The following FBXO40 variants were observed in gnomAD, a reference collection of about 807,000 sequenced individuals.
FBXO40 encodes the protein F-box protein 40, also known as F-box only protein 40.
Under a neutral mutation model 49.9 loss-of-function variants are expected in FBXO40, and 50 were observed. The observed-to-expected ratio is 1.00, with a 90% CI of 0.80 to 1.27. FBXO40 has a LOEUF of 1.27. Ranked by LOEUF, FBXO40 falls within the 50% of genes most tolerant of loss-of-function variation. The pLI is 0.00. For synonymous variants in FBXO40, 340 were observed against 320.2 expected, an observed-to-expected ratio of 1.06 and a Z score of -0.66; for missense variants, 895 against 870.1, an observed-to-expected ratio of 1.03 and a Z score of -0.36.
At chr3:121,598,926 A>G (rs773495509) in intron 1 of FBXO40, among the ~76,000 whole-genome samples, 14 of 152,102 alleles carry the variant, frequency 9.2e-5, no homozygotes, top group Non-Finnish European at 1.6e-4. Flanking sequence ...AAAACAAGCT[A>G]TGCCTCAGGC....
chr3:121,596,564 T>C (rs2048873961), intron 1 of FBXO40, among the ~76,000 whole-genome samples: 1 of 152,182 alleles, frequency 6.6e-6, no homozygotes, highest in Admixed American at 6.5e-5. Flanking sequence ...CATGTTGAAG[T>C]TTGAGAAGCT....
rs985361368 is a variant in FBXO40, at chr3:121,617,120, A to G, written c.-30-3426A>G. Among the ~76,000 whole-genome samples the G allele has an allele frequency of 2.6e-5, 4 of 152,202 alleles. No individual in the cohort carries two copies. The East Asian group carries it at 7.7e-4, about 29-fold the overall frequency. Reference sequence around the variant, plus strand: ...GCAGAGTAGGGTGACTATAGCTAGCAACAATGTATTGTGTATTTCAAAACA... The same window carrying G: ...GCAGAGTAGGGTGACTATAGCTAGCGACAATGTATTGTGTATTTCAAAACA... On this transcript the variant is annotated intron_variant, in intron 1 of 3. Transcript: ENST00000338040.
At chr3:121,604,411 T>C (rs543102792) in intron 1 of FBXO40, among the ~76,000 whole-genome samples, 21 of 152,332 alleles carry the variant, frequency 1.4e-4, no homozygotes, top group African/African-American at 4.6e-4. Flanking sequence ...CAGTAAACCC[T>C]ACATTCCATG....
At position 121,616,991 on chromosome 3, in the gene FBXO40, G is replaced by A. The variant is rs537441646; in HGVS notation, c.-30-3555G>A. On this transcript the variant is annotated intron_variant, in intron 1 of 3. Coordinates refer to ENST00000338040, the MANE Select transcript of FBXO40 (RefSeq NM_016298.4). ...ACATGGAGGTAGAGAGTGAATGATA[G>A]TTACCAGAGGCTGGGAAGGGTGTAG... is the stretch of plus-strand genomic sequence containing the variant. 2.6e-5 allele frequency among the ~76,000 whole-genome samples: 4 copies of A among 152,302 alleles called. No individual in the cohort carries two copies. In the South Asian group the frequency reaches 8.3e-4, roughly 32 times the overall value.
chr3:121,628,429 T>A lies in FBXO40; in HGVS notation c.*1519T>A, dbSNP rs1336905730. ...CGCCCGCCTTGGCCTTCCAAAGTGC[T>A]GGGTTTACAGGTGTGAGCCACTGCG... On this transcript the variant is annotated 3_prime_UTR_variant, in exon 4 of 4. Transcript: ENST00000338040. The A allele has an allele frequency of 6.6e-6, 1 of 152,300 alleles. No homozygotes were observed. Among genetic ancestry groups the A allele is most frequent in the Non-Finnish European group, 1.5e-5 (1 of 68,116 alleles). The allele number at this position is 152,300 out of a possible 1,614,324, so 9.4% of individuals were successfully genotyped here.
chr3:121,621,525 C>T lies in FBXO40; in HGVS notation c.96C>T (p.Ser32=). Residue 32 remains serine (S), a synonymous_variant, in exon 3 of 4, where the codon TCC becomes TCT. Coordinates refer to ENST00000338040, the MANE Select transcript of FBXO40 (RefSeq NM_016298.4). ...ACATTCCTGTGGAACCCAACACCTC[C>T]TGCCTGGTAATAAGCTGCCACCTGC... The part of the protein sequence containing the change: ...HCHIPVEPNT[S]CLVISCHLLC... The T allele has an allele frequency of 6.2e-7, 1 of 1,614,240 alleles. No individual in the cohort carries two copies.
chr3:121,597,723 A>G (rs4676735), intron 1 of FBXO40, among the ~76,000 whole-genome samples: 66,655 of 144,108 alleles, frequency 0.46, 15,747 homozygotes, highest in East Asian at 0.73. Context: ...GTGCAGTGGC[A>G]TGATCTTGGC....
intron 2 of FBXO40, among the ~76,000 whole-genome samples, chr3:121,620,821 C>T (rs1025517641): frequency 1.3e-5 from 2 of 152,100 alleles, no homozygotes; most frequent in African/African-American, 2.4e-5. Context: ...AGTCAAAAAG[C>T]CAGCAATAAT....
chr3:121,606,095 A>G (rs1486935534), intron 1 of FBXO40, among the ~76,000 whole-genome samples: 1 of 152,262 alleles, frequency 6.6e-6, no homozygotes, highest in Admixed American at 6.5e-5. Flanking sequence ...GACTCATACC[A>G]GTAAAAGTAA....
At chr3:121,610,615 C>A (rs1297162980) in intron 1 of FBXO40, among the ~76,000 whole-genome samples, 1 of 152,092 alleles carries the variant, frequency 6.6e-6, no homozygotes, top group Non-Finnish European at 1.5e-5. Context: ...TATGGTTTCT[C>A]CTCTCTAGGT....
chr3:121,610,332 A>G (rs986048852), intron 1 of FBXO40, among the ~76,000 whole-genome samples: 1 of 152,172 alleles, frequency 6.6e-6, no homozygotes, highest in Non-Finnish European at 1.5e-5. Context: ...AGTCATGTCT[A>G]AAAGCTGATT....
In FBXO40 at chr3:121,622,861, A is replaced by C. The variant is rs1382802945; in HGVS notation, c.1432A>C (p.Thr478Pro). The C allele has an allele frequency of 6.2e-7, 1 of 1,614,148 alleles. No homozygotes were observed. ...HNKSSSAFTF[T>P]CNKFFRRDEF... is the part of the protein sequence containing the mutation. ...CAAAAGCAGCTCTGCCTTCACTTTC[A>C]CTTGCAACAAATTCTTCAGGAGGGA... Residue 478 changes from threonine (T) to proline (P), a missense_variant, in exon 3 of 4, where the codon ACT (threonine) becomes CCT (proline). Thr to Pro is a conservative substitution (Grantham distance 38). Coordinates refer to ENST00000338040, the MANE Select transcript of FBXO40 (RefSeq NM_016298.4).
chr3:121,618,588 G>T (rs2049011891), intron 1 of FBXO40, among the ~76,000 whole-genome samples: 1 of 150,774 alleles, frequency 6.6e-6, no homozygotes, highest in Admixed American at 6.6e-5. Context: ...TAGAGATGGG[G>T]TTTCACCATG....
At chr3:121,598,581 A>T (rs2048884910) in intron 1 of FBXO40, among the ~76,000 whole-genome samples, 1 of 152,188 alleles carries the variant, frequency 6.6e-6, no homozygotes, top group Admixed American at 6.5e-5. Flanking sequence ...TGGTGTGTGA[A>T]CTGAGACATG....
At position 121,628,806 on chromosome 3, in the gene FBXO40, C is replaced by T. The variant is rs183181961; in HGVS notation, c.*1896C>T. 13 of 152,272 alleles carry T rather than the reference C, an allele frequency of 8.5e-5. No individual in the cohort carries two copies. The East Asian group carries it at 1.7e-3, about 20-fold the overall frequency. 9.4% of individuals were successfully genotyped at this position (152,272 alleles called of 1,614,324 possible). A position where few individuals can be genotyped will look rare whatever the true frequency, so the allele number is the denominator to read the frequency against. On this transcript the variant is annotated 3_prime_UTR_variant, in exon 4 of 4. Transcript: ENST00000338040. ...AGTTGGGAACCAGAAGGAAATGATT[C>T]GTTTGGTATGGCTTCATGTCCTTCA...
intron 1 of FBXO40, among the ~76,000 whole-genome samples, chr3:121,604,288 C>A (rs1183458868): frequency 3.9e-5 from 6 of 152,066 alleles, no homozygotes; most frequent in African/African-American, 1.4e-4. Context: ...GTAGGTCACT[C>A]ATAAGTTGAT....
At chr3:121,599,137 A>G (rs1056963918) in intron 1 of FBXO40, among the ~76,000 whole-genome samples, 1 of 152,110 alleles carries the variant, frequency 6.6e-6, no homozygotes, top group Non-Finnish European at 1.5e-5. Flanking sequence ...AGAGGATAGA[A>G]CATACTGCTT....
chr3:121,623,376 T>G, intron 3 of FBXO40, 33 bp downstream of exon 3: 1 of 1,562,136 alleles, frequency 6.4e-7, no homozygotes, highest in Non-Finnish European at 8.7e-7. Flanking sequence ...ATTGACTCAT[T>G]CAGCAATTTT....
chr3:121,608,112 C>A (rs558585468), intron 1 of FBXO40, among the ~76,000 whole-genome samples: 2 of 152,222 alleles, frequency 1.3e-5, no homozygotes, highest in Non-Finnish European at 2.9e-5. Flanking sequence ...TTAACTGGCT[C>A]TTTTAGTGCA....
Sources: allele counts gnomAD v4.1 joint callset (sites outside exome capture counted in the v4.1 genomes callset), GRCh38; gene constraint gnomAD v4.1.1; transcripts MANE v1.5; gene names NCBI Gene and HGNC (gene_info 2026-07-23, HGNC 2026-07-21).